The following GRID1 variants were observed in gnomAD, a reference collection of about 807,000 sequenced individuals.
GRID1 encodes glutamate receptor ionotropic, delta-1.
In GRID1, 28 loss-of-function variants were observed where a neutral mutation model predicts 98.0. The observed-to-expected ratio is 0.29, with a 90% CI of 0.21 to 0.39. GRID1 has a LOEUF of 0.39. Among genes scored for constraint, GRID1 ranks in the 10% least tolerant of loss-of-function variants. GRID1 has a pLI of 1.00. For synonymous variants in GRID1, 553 were observed against 538.5 expected, an observed-to-expected ratio of 1.03 and a Z score of -0.37; for missense variants, 1,111 against 1,340.5, an observed-to-expected ratio of 0.83 and a Z score of 2.67.
intron 8 of GRID1, among the ~76,000 whole-genome samples, chr10:85,732,033 G>T (rs1328403136): frequency 6.6e-6 from 1 of 152,220 alleles, no homozygotes; most frequent in African/African-American, 2.4e-5. Flanking sequence ...TAAAATGCTT[G>T]TCAGAGGGAA....
intron 2 of GRID1, among the ~76,000 whole-genome samples, chr10:86,241,341 G>T (rs1018697622): frequency 6.6e-6 from 1 of 152,182 alleles, no homozygotes; most frequent in African/African-American, 2.4e-5. Context: ...GGCTCCACCC[G>T]CTGGCTGGCC....
rs77063736 is a variant in GRID1 at position 86,000,382 on chromosome 10, T to C, written c.727-84143A>G. ...GATGCCAATCCTCTCCAAATTGGTC[T>C]ATAGGTAACAAAATCCCAAGAGGAT... On this transcript the variant is annotated intron_variant, in intron 4 of 15. Transcript: ENST00000327946. 4.3e-3 allele frequency among the ~76,000 whole-genome samples: 654 copies of C among 152,290 alleles called. 11 individuals carry two copies. The highest frequency in any genetic ancestry group is 0.015 in the African/African-American group (626 of 41,570).
In GRID1 at chr10:85,821,532, A is replaced by AGC. The variant is rs1481844164; in HGVS notation, c.1233+32963_1233+32964insGC. On this transcript the variant is annotated intron_variant, in intron 8 of 15. Coordinates refer to ENST00000327946, the MANE Select transcript of GRID1 (RefSeq NM_017551.3). The stretch of plus-strand genomic sequence containing the variant: ...ACTTCATCTCAAAAAAAAAAAAAAA[A>AGC]AAAAAAAAAAAAAGAAAACAGATCA... Among the ~76,000 whole-genome samples, 716 of 132,642 alleles carry AGC rather than the reference A, an allele frequency of 5.4e-3. 55 individuals are homozygous for AGC. Among genetic ancestry groups the AGC allele is most frequent in the African/African-American group, 0.021 (676 of 32,480 alleles). 87.0% of individuals were successfully genotyped at this position (132,642 alleles called of 152,430 possible). A position where few individuals can be genotyped will look rare whatever the true frequency, so the allele number is the denominator to read the frequency against.
At chr10:85,622,075 G>A (rs983992965) in intron 13 of GRID1, among the ~76,000 whole-genome samples, 1 of 152,178 alleles carries the variant, frequency 6.6e-6, no homozygotes, top group Non-Finnish European at 1.5e-5. Flanking sequence ...TAGAGAGAAT[G>A]GAAAGGGACT....
At chr10:85,668,074 T>C (rs1402769722) in intron 12 of GRID1, among the ~76,000 whole-genome samples, 1 of 152,062 alleles carries the variant, frequency 6.6e-6, no homozygotes, top group Non-Finnish European at 1.5e-5. Context: ...GTTGTTATTA[T>C]GAGATAAGGT....
intron 5 of GRID1, among the ~76,000 whole-genome samples, chr10:85,881,708 G>A (rs1391377174): frequency 6.6e-6 from 1 of 152,110 alleles, no homozygotes. Flanking sequence ...CAGGACATAG[G>A]CATGGGCAAG....
intron 3 of GRID1, among the ~76,000 whole-genome samples, chr10:86,176,449 C>T (rs1441859190): frequency 6.6e-6 from 1 of 152,204 alleles, no homozygotes. Context: ...TGCAAAGGCA[C>T]TGAGGCCTGA....
At chr10:85,650,083 C>A (rs1230651340) in intron 12 of GRID1, 1 of 152,280 alleles carries the variant, frequency 6.6e-6, no homozygotes, top group Non-Finnish European at 1.5e-5. Context: ...AAGGGCCCAA[C>A]TATTCATCCA....
intron 2 of GRID1, among the ~76,000 whole-genome samples, chr10:86,311,152 C>A (rs532643332): frequency 4.5e-4 from 69 of 152,284 alleles, no homozygotes; most frequent in African/African-American, 1.2e-3. Flanking sequence ...CTTGTTCAAT[C>A]CTCCAAGAGC....
At chr10:86,242,973 C>A (rs1846662373) in intron 2 of GRID1, among the ~76,000 whole-genome samples, 1 of 152,212 alleles carries the variant, frequency 6.6e-6, no homozygotes, top group Admixed American at 6.5e-5. Flanking sequence ...TCCAGCAGGC[C>A]TACGCTGGGC....
At chr10:85,993,374 C>A (rs544450068) in intron 4 of GRID1, among the ~76,000 whole-genome samples, 1 of 152,338 alleles carries the variant, frequency 6.6e-6, no homozygotes, top group Admixed American at 6.5e-5. Context: ...TCCCAGGACA[C>A]TGCCTCACAT....
chr10:86,251,826 C>T (rs903136267), intron 2 of GRID1, among the ~76,000 whole-genome samples: 1 of 152,102 alleles, frequency 6.6e-6, no homozygotes, highest in East Asian at 1.9e-4. Flanking sequence ...TGACCCTGAG[C>T]AGCTCAGGGC....
At chr10:85,961,508 C>T (rs911985817) in intron 4 of GRID1, among the ~76,000 whole-genome samples, 4 of 150,768 alleles carry the variant, frequency 2.7e-5, no homozygotes, top group African/African-American at 9.7e-5. Context: ...CACCGTCTGT[C>T]CTCCCTCCCT....
intron 8 of GRID1, among the ~76,000 whole-genome samples, chr10:85,788,484 C>T (rs528803978): frequency 6.6e-6 from 1 of 152,300 alleles, no homozygotes; most frequent in East Asian, 1.9e-4. Flanking sequence ...GTAACATCAA[C>T]CAATGTGGCT....
intron 3 of GRID1, among the ~76,000 whole-genome samples, chr10:86,170,489 C>A (rs1845468073): frequency 6.6e-6 from 1 of 152,246 alleles, no homozygotes; most frequent in Non-Finnish European, 1.5e-5. Flanking sequence ...CAGGAGAGGG[C>A]AATGCCCTGT....
At chr10:85,634,005 C>G (rs1843004555) in intron 13 of GRID1, among the ~76,000 whole-genome samples, 1 of 151,992 alleles carries the variant, frequency 6.6e-6, no homozygotes, top group Non-Finnish European at 1.5e-5. Context: ...AACCCTGTCT[C>G]TACTAAAAAC....
intron 1 of GRID1, among the ~76,000 whole-genome samples, chr10:86,364,979 C>T (rs867122707): frequency 6.6e-6 from 1 of 152,206 alleles, no homozygotes; most frequent in African/African-American, 2.4e-5. Context: ...GCAACCTGGA[C>T]AGCTCTGGAG....
intron 9 of GRID1, among the ~76,000 whole-genome samples, chr10:85,729,159 G>C: frequency 6.6e-6 from 1 of 152,074 alleles, no homozygotes; most frequent in Non-Finnish European, 1.5e-5. Context: ...TTGGGGTTCT[G>C]GCTACCAGAA....
chr10:85,603,180 G>T (rs1477023936), intron 15 of GRID1, among the ~76,000 whole-genome samples: 3 of 152,214 alleles, frequency 2.0e-5, no homozygotes, highest in East Asian at 1.9e-4. Flanking sequence ...GCTCAGGAAG[G>T]TTCAATGATT....
Sources: allele counts gnomAD v4.1 joint callset (sites outside exome capture counted in the v4.1 genomes callset), GRCh38; gene constraint gnomAD v4.1.1; transcripts MANE v1.5; gene names NCBI Gene and HGNC (gene_info 2026-07-23, HGNC 2026-07-21).